The following SLC1A1 variants were observed in gnomAD, a reference collection of about 807,000 sequenced individuals.
The protein encoded by SLC1A1 is excitatory amino acid transporter 3.
In SLC1A1, 43 loss-of-function variants were observed where a neutral mutation model predicts 53.3. That is an observed-to-expected ratio of 0.81 (90% CI 0.63 to 1.04). SLC1A1 has a LOEUF of 1.04. Among genes scored for constraint, SLC1A1 ranks in the 50% least tolerant of loss-of-function variants. The pLI, the probability that SLC1A1 is intolerant of heterozygous loss-of-function variation, is 0.00. For missense variants in SLC1A1, 748 were observed against 664.9 expected (o/e 1.12, Z -1.37); for synonymous variants, 307 against 243.2 (o/e 1.26, Z -2.44).
intron 10 of SLC1A1, among the ~76,000 whole-genome samples, chr9:4,581,539 T>C (rs1821098133): frequency 6.6e-6 from 1 of 152,218 alleles, no homozygotes; most frequent in East Asian, 1.9e-4. Flanking sequence ...AGACATGGAT[T>C]ACTGTGACAC....
chr9:4,509,701 C>G (rs555112116), intron 1 of SLC1A1, among the ~76,000 whole-genome samples: 134 of 152,278 alleles, frequency 8.8e-4, no homozygotes, highest in African/African-American at 3.1e-3. Flanking sequence ...CAAAGAAAGA[C>G]AGAGGGTGAA....
At chr9:4,496,416 C>T (rs530435569) in intron 1 of SLC1A1, among the ~76,000 whole-genome samples, 23 of 152,070 alleles carry the variant, frequency 1.5e-4, no homozygotes, top group Non-Finnish European at 2.5e-4. Context: ...GACAGGGTCT[C>T]GTTTTGTTGC....
At chr9:4,501,654 C>T (rs1820635598) in intron 1 of SLC1A1, among the ~76,000 whole-genome samples, 1 of 151,606 alleles carries the variant, frequency 6.6e-6, no homozygotes, top group African/African-American at 2.4e-5. Flanking sequence ...ATCCCAGCTA[C>T]TGGGGAGGCT....
At chr9:4,525,680 C>G (rs769449011) in intron 1 of SLC1A1, among the ~76,000 whole-genome samples, 1 of 151,796 alleles carries the variant, frequency 6.6e-6, no homozygotes, top group Non-Finnish European at 1.5e-5. Flanking sequence ...AGAAATGAAA[C>G]TTAGAGTGGA....
intron 2 of SLC1A1, among the ~76,000 whole-genome samples, chr9:4,546,820 G>T (rs1817533315): frequency 6.6e-6 from 1 of 152,102 alleles, no homozygotes. Flanking sequence ...TTTTTCTTGG[G>T]CTCCTTTGAG....
At chr9:4,503,328 T>C (rs966893418) in intron 1 of SLC1A1, among the ~76,000 whole-genome samples, 2 of 151,882 alleles carry the variant, frequency 1.3e-5, no homozygotes, top group Non-Finnish European at 2.9e-5. Context: ...GTTTATTCAT[T>C]TGGCAATCAA....
chr9:4,490,669 C>T lies in SLC1A1; in HGVS notation c.-11C>T, dbSNP rs1053939127. On this transcript the variant is annotated 5_prime_UTR_variant, in exon 1 of 12. Coordinates refer to ENST00000262352, the MANE Select transcript of SLC1A1 (RefSeq NM_004170.6). ...CACGGCCGAGCCCAGCGCACAATAG[C>T]GGCGACAGCCATGGGGAAACCGGCG... 4 of 1,610,806 alleles carry T rather than the reference C, an allele frequency of 2.5e-6. No homozygotes were observed. Among genetic ancestry groups the T allele is most frequent in the Non-Finnish European group, 3.4e-6 (4 of 1,177,612 alleles).
intron 1 of SLC1A1, among the ~76,000 whole-genome samples, chr9:4,535,492 A>G (rs1305436104): frequency 6.6e-6 from 1 of 152,172 alleles, no homozygotes; most frequent in African/African-American, 2.4e-5. Flanking sequence ...CTAGAAATCC[A>G]ACTTATAAGG....
intron 1 of SLC1A1, among the ~76,000 whole-genome samples, chr9:4,509,177 G>A (rs1820907386): frequency 6.6e-6 from 1 of 152,054 alleles, no homozygotes; most frequent in African/African-American, 2.4e-5. Context: ...AAGCAAAAAA[G>A]CATGTAAACA....
At chr9:4,550,456 G>C (rs1298950263) in intron 2 of SLC1A1, among the ~76,000 whole-genome samples, 2 of 152,170 alleles carry the variant, frequency 1.3e-5, no homozygotes, top group African/African-American at 2.4e-5. Context: ...AGTGGTACCA[G>C]TATAGCTCAC....
chr9:4,532,220 T>C (rs572529010), intron 1 of SLC1A1, among the ~76,000 whole-genome samples: 4 of 152,122 alleles, frequency 2.6e-5, no homozygotes, highest in Admixed American at 2.6e-4. Flanking sequence ...GAGAATGACG[T>C]TGACGAGTTG....
chr9:4,541,573 TG>T (rs1394216689), intron 1 of SLC1A1, among the ~76,000 whole-genome samples: 1 of 152,218 alleles, frequency 6.6e-6, no homozygotes, highest in African/African-American at 2.4e-5. Flanking sequence ...GGGTCTTCCC[TG>T]GCACCCTTTA....
At chr9:4,495,928 C>T (rs999092383) in intron 1 of SLC1A1, among the ~76,000 whole-genome samples, 1 of 151,936 alleles carries the variant, frequency 6.6e-6, no homozygotes, top group Non-Finnish European at 1.5e-5. Context: ...CCACGGTGGA[C>T]GTGTTGAGTT....
intron 1 of SLC1A1, among the ~76,000 whole-genome samples, chr9:4,525,980 A>G (rs1240429460): frequency 1.3e-5 from 2 of 152,208 alleles, no homozygotes; most frequent in African/African-American, 2.4e-5. Context: ...CACAGAATTT[A>G]GAAGGAAATG....
intron 1 of SLC1A1, among the ~76,000 whole-genome samples, chr9:4,493,554 T>C (rs1820311523): frequency 6.6e-6 from 1 of 152,178 alleles, no homozygotes; most frequent in African/African-American, 2.4e-5. Flanking sequence ...AAAAAAACTG[T>C]GAAATTTATT....
intron 1 of SLC1A1, among the ~76,000 whole-genome samples, chr9:4,504,138 A>C (rs1417298221): frequency 3.9e-5 from 6 of 152,226 alleles, no homozygotes; most frequent in African/African-American, 1.4e-4. Flanking sequence ...CCAGCACCAG[A>C]ACCCACCTGA....
At chr9:4,495,815 C>G (rs1481121417) in intron 1 of SLC1A1, among the ~76,000 whole-genome samples, 1 of 152,098 alleles carries the variant, frequency 6.6e-6, no homozygotes, top group African/African-American at 2.4e-5. Flanking sequence ...GGTTAACCTG[C>G]AGGGCTTGGC....
chr9:4,497,170 G>A (rs1472719542), intron 1 of SLC1A1, among the ~76,000 whole-genome samples: 1 of 152,092 alleles, frequency 6.6e-6, no homozygotes, highest in Non-Finnish European at 1.5e-5. Context: ...CCATTACTCT[G>A]TGCCAAGAAC....
At chr9:4,512,233 C>T (rs1165066441) in intron 1 of SLC1A1, among the ~76,000 whole-genome samples, 1 of 152,120 alleles carries the variant, frequency 6.6e-6, no homozygotes, top group African/African-American at 2.4e-5. Context: ...CATATGGAGG[C>T]AGGGTGCGGT....
Sources: allele counts gnomAD v4.1 joint callset (sites outside exome capture counted in the v4.1 genomes callset), GRCh38; gene constraint gnomAD v4.1.1; transcripts MANE v1.5; gene names NCBI Gene and HGNC (gene_info 2026-07-23, HGNC 2026-07-21).